Variants in RAB7A observed in about 807,000 individuals in gnomAD.
RAB7A encodes the protein RAB7A, member RAS oncogene family, also known as ras-related protein Rab-7a.
A neutral mutation model predicts 24.5 loss-of-function variants in RAB7A; 2 were observed. That is an observed-to-expected ratio of 0.08 (90% CI 0.03 to 0.26). The LOEUF (loss-of-function observed/expected upper bound fraction) is 0.26, where lower values mean the gene tolerates loss of function less well. Among genes scored for constraint, RAB7A ranks in the 10% least tolerant of loss-of-function variants. RAB7A has a pLI of 1.00. For missense variants in RAB7A, 118 were observed against 255.7 expected (o/e 0.46, Z 3.67); for synonymous variants, 100 against 95.9 (o/e 1.04, Z -0.25).
At chr3:128,773,341 G>C (rs1231217832) in intron 1 of RAB7A, among the ~76,000 whole-genome samples, 1 of 151,758 alleles carries the variant, frequency 6.6e-6, no homozygotes, top group Non-Finnish European at 1.5e-5. Context: ...TCTGAGAAGT[G>C]AGGAGCCCCT....
At chr3:128,804,793 C>T (rs1933766736) in intron 3 of RAB7A, among the ~76,000 whole-genome samples, 1 of 152,158 alleles carries the variant, frequency 6.6e-6, no homozygotes, top group Admixed American at 6.5e-5. Flanking sequence ...AGAGAAAGCT[C>T]TCTATGCTAA....
intron 1 of RAB7A, among the ~76,000 whole-genome samples, chr3:128,784,097 C>G (rs1248525489): frequency 6.6e-6 from 1 of 152,188 alleles, no homozygotes; most frequent in Non-Finnish European, 1.5e-5. Context: ...GCCATAAAAT[C>G]CTAGCACAAA....
intron 1 of RAB7A, among the ~76,000 whole-genome samples, chr3:128,784,546 A>G (rs535679812): frequency 1.8e-4 from 27 of 152,262 alleles, no homozygotes; most frequent in African/African-American, 6.3e-4. Context: ...AGAAATCTCC[A>G]CAAGTCAGGC....
At chr3:128,771,115 A>G (rs1044211762) in intron 1 of RAB7A, among the ~76,000 whole-genome samples, 2 of 152,200 alleles carry the variant, frequency 1.3e-5, no homozygotes, top group Non-Finnish European at 2.9e-5. Context: ...CACTACAGAC[A>G]TGCACCACCA....
intron 1 of RAB7A, among the ~76,000 whole-genome samples, chr3:128,788,387 G>T (rs1012570975): frequency 1.7e-4 from 26 of 152,198 alleles, no homozygotes; most frequent in African/African-American, 6.3e-4. Context: ...AGAAAATCAT[G>T]CTAATTTTGC....
chr3:128,733,805 T>A (rs1160530197), intron 1 of RAB7A, among the ~76,000 whole-genome samples: 1 of 152,220 alleles, frequency 6.6e-6, no homozygotes, highest in Non-Finnish European at 1.5e-5. Flanking sequence ...GAATTTCAAC[T>A]TAAAAATTTT....
At chr3:128,751,205 G>T (rs2070677746) in intron 1 of RAB7A, among the ~76,000 whole-genome samples, 2 of 152,200 alleles carry the variant, frequency 1.3e-5, no homozygotes, top group South Asian at 2.1e-4. Context: ...TCCACAGGGA[G>T]ACTGCCTAGT....
intron 1 of RAB7A, among the ~76,000 whole-genome samples, chr3:128,760,571 T>G (rs775522099): frequency 2.0e-5 from 3 of 152,196 alleles, no homozygotes; most frequent in East Asian, 3.8e-4. Flanking sequence ...ACCCCTTAGA[T>G]ATACTGGGAT....
At position 128,729,729 on chromosome 3, in the gene RAB7A, T is replaced by C. The variant is rs192511953; in HGVS notation, c.-9+3370T>C. ...TCCTCTCTGGCATTTGACACAAATA[T>C]TTTAGTTTTTCCTATGATAAAGTAT... On this transcript the variant is annotated intron_variant, in intron 1 of 5. Transcript: ENST00000265062. Among the ~76,000 whole-genome samples the C allele has an allele frequency of 2.6e-5, 4 of 152,266 alleles. No homozygotes were observed. In the East Asian group the frequency reaches 7.7e-4, roughly 29 times the overall value.
At chr3:128,775,872 T>TG (rs1559789767) in intron 1 of RAB7A, among the ~76,000 whole-genome samples, 2 of 152,332 alleles carry the variant, frequency 1.3e-5, no homozygotes. Flanking sequence ...ATTTAACATT[T>TG]GCATTACCTC....
At chr3:128,776,563 G>A (rs1933094578) in intron 1 of RAB7A, among the ~76,000 whole-genome samples, 1 of 152,162 alleles carries the variant, frequency 6.6e-6, no homozygotes, top group Admixed American at 6.5e-5. Flanking sequence ...AGGATTACAG[G>A]TGTGTGCCAC....
chr3:128,792,631 C>A (rs1341777387), intron 1 of RAB7A, among the ~76,000 whole-genome samples: 1 of 151,624 alleles, frequency 6.6e-6, no homozygotes, highest in Non-Finnish European at 1.5e-5. Context: ...TGGTCTTGAA[C>A]TGCTGACCTC....
intron 1 of RAB7A, chr3:128,764,992 A>G (rs780260100): frequency 1.3e-5 from 20 of 1,594,394 alleles, no homozygotes; most frequent in Non-Finnish European, 1.7e-5. Flanking sequence ...GTTCTGGCGC[A>G]CCTGCGAGGT....
At chr3:128,783,714 G>A (rs561969558) in intron 1 of RAB7A, among the ~76,000 whole-genome samples, 1 of 152,250 alleles carries the variant, frequency 6.6e-6, no homozygotes, top group African/African-American at 2.4e-5. Flanking sequence ...GCTGCTCTCT[G>A]TACCTGAACC....
intron 1 of RAB7A, chr3:128,749,187 C>T (rs2070651120): frequency 6.6e-6 from 1 of 152,212 alleles, no homozygotes; most frequent in Non-Finnish European, 1.5e-5. Context: ...GTCTCTTTCT[C>T]CTTTCTGTGG....
At chr3:128,750,327 T>C (rs1038901662) in intron 1 of RAB7A, among the ~76,000 whole-genome samples, 22 of 152,236 alleles carry the variant, frequency 1.4e-4, no homozygotes, top group Non-Finnish European at 2.5e-4. Context: ...CATGATGCGA[T>C]GTCAGCTCAC....
chr3:128,789,935 C>T (rs1393165010), intron 1 of RAB7A, among the ~76,000 whole-genome samples: 1 of 151,958 alleles, frequency 6.6e-6, no homozygotes, highest in Non-Finnish European at 1.5e-5. Context: ...AGATTACAAG[C>T]GCGTGCCACC....
intron 1 of RAB7A, among the ~76,000 whole-genome samples, chr3:128,765,886 C>G (rs1013858164): frequency 6.6e-6 from 1 of 152,020 alleles, no homozygotes; most frequent in Non-Finnish European, 1.5e-5. Context: ...CTCAGCCTCC[C>G]AAGTAGCTGG....
chr3:128,787,390 A>G (rs928806354), intron 1 of RAB7A, among the ~76,000 whole-genome samples: 1 of 152,328 alleles, frequency 6.6e-6, no homozygotes, highest in Admixed American at 6.5e-5. Context: ...GTGGTTTCCA[A>G]ACTTGGTGTG....
Sources: gnomAD v4.1 joint callset for allele counts (sites outside exome capture counted in the v4.1 genomes callset) on GRCh38, gnomAD v4.1.1 for gene constraint, MANE v1.5 for transcripts, NCBI Gene and HGNC (gene_info 2026-07-23, HGNC 2026-07-21) for gene names.